The following PDGFD variants were observed in gnomAD, a reference collection of about 807,000 sequenced individuals.
PDGFD encodes the protein platelet derived growth factor D.
PDGFD carries 30 observed loss-of-function variants against 44.7 expected under a neutral mutation model. The ratio of observed to expected loss-of-function variants is 0.67; its 90% CI spans 0.50 to 0.91. PDGFD has a LOEUF of 0.91. Among genes scored for constraint, PDGFD ranks in the 40% least tolerant of loss-of-function variants. PDGFD has a pLI of 0.00. For synonymous variants in PDGFD, 173 were observed against 168.4 expected (o/e 1.03, Z -0.21); for missense variants, 445 against 457.8 (o/e 0.97, Z 0.25).
intron 3 of PDGFD, among the ~76,000 whole-genome samples, chr11:103,963,423 A>C (rs1037447151): frequency 7.2e-5 from 11 of 152,182 alleles, no homozygotes; most frequent in Admixed American, 1.3e-4. Flanking sequence ...TCATTAGATA[A>C]AAGAATGTGT....
chr11:104,139,514 C>T (rs1042923665), intron 1 of PDGFD, among the ~76,000 whole-genome samples: 4 of 152,228 alleles, frequency 2.6e-5, no homozygotes, highest in Middle Eastern at 3.4e-3. Context: ...GACAACAATC[C>T]GATCACAAAC....
intron 3 of PDGFD, among the ~76,000 whole-genome samples, chr11:103,970,405 A>C (rs1859086442): frequency 6.6e-6 from 1 of 152,102 alleles, no homozygotes; most frequent in African/African-American, 2.4e-5. Context: ...GCAAGTGATA[A>C]AAAACTATGA....
chr11:103,990,933 G>C (rs1859441351), intron 3 of PDGFD, among the ~76,000 whole-genome samples: 1 of 151,796 alleles, frequency 6.6e-6, no homozygotes, highest in Non-Finnish European at 1.5e-5. Context: ...AGGTCAGGAG[G>C]TCGAGACCAT....
chr11:104,011,446 T>C (rs867563570), intron 1 of PDGFD, among the ~76,000 whole-genome samples: 1 of 152,112 alleles, frequency 6.6e-6, no homozygotes, highest in Non-Finnish European at 1.5e-5. Context: ...ACGGATTAAA[T>C]CACTTTTCAA....
In PDGFD at chr11:104,079,886, AC is replaced by A. The variant is rs1200748760; in HGVS notation, c.125-79632del. ...ATATGATTTAATGGCATTTATGCATACTATAAACTTACATTTCTGAGCAGAG... is the reference window on the plus strand; with the variant it reads ...ATATGATTTAATGGCATTTATGCATATATAAACTTACATTTCTGAGCAGAG... On this transcript the variant is annotated intron_variant, in intron 1 of 6. Transcript: ENST00000393158. Among the ~76,000 whole-genome samples the A allele has an allele frequency of 6.1e-4, 93 of 152,224 alleles. 1 individual carries two copies. The highest frequency in any genetic ancestry group is 1.5e-4 in the Non-Finnish European group (10 of 68,038).
chr11:104,084,881 GA>G (rs918678724), intron 1 of PDGFD, among the ~76,000 whole-genome samples: 1 of 124,454 alleles, frequency 8.0e-6, no homozygotes, highest in African/African-American at 4.1e-5. Flanking sequence ...AATATATAAT[GA>G]ATATAAAACA....
At chr11:103,942,459 C>CA (rs945066760) in intron 5 of PDGFD, among the ~76,000 whole-genome samples, 1 of 152,012 alleles carries the variant, frequency 6.6e-6, no homozygotes, top group African/African-American at 2.4e-5. Flanking sequence ...TTAGTTTAAG[C>CA]ATTGTTTTAA....
intron 1 of PDGFD, among the ~76,000 whole-genome samples, chr11:104,142,691 T>C (rs1862103018): frequency 6.6e-6 from 1 of 152,196 alleles, no homozygotes; most frequent in Non-Finnish European, 1.5e-5. Context: ...CCGAAGGCCC[T>C]AATAATTTCT....
intron 6 of PDGFD, among the ~76,000 whole-genome samples, chr11:103,921,490 A>T (rs956738317): frequency 2.6e-5 from 4 of 152,148 alleles, no homozygotes; most frequent in Non-Finnish European, 4.4e-5. Flanking sequence ...TTTCATGTAT[A>T]AATACAGATG....
intron 1 of PDGFD, chr11:104,037,608 C>T (rs749546050): frequency 5.0e-6 from 8 of 1,613,850 alleles, no homozygotes; most frequent in African/African-American, 2.7e-5. Flanking sequence ...TTGACTCGGG[C>T]GCCCAGATGA....
chr11:104,077,646 T>G (rs1317234716), intron 1 of PDGFD, among the ~76,000 whole-genome samples: 1 of 152,184 alleles, frequency 6.6e-6, no homozygotes, highest in Non-Finnish European at 1.5e-5. Flanking sequence ...TGCAAAGTTG[T>G]GCAAAATATT....
intron 2 of PDGFD, 122 bp from the exon 3 acceptor site, chr11:103,996,367 T>G: frequency 1.1e-6 from 1 of 911,684 alleles, no homozygotes; most frequent in South Asian, 1.7e-5. Flanking sequence ...AAATGAAAAT[T>G]ATAATGTACA....
At chr11:103,959,175 G>A (rs1435794746) in intron 3 of PDGFD, among the ~76,000 whole-genome samples, 2 of 152,126 alleles carry the variant, frequency 1.3e-5, no homozygotes, top group Non-Finnish European at 2.9e-5. Context: ...ACTTTGCGTT[G>A]TGACACCTTT....
chr11:103,918,848 G>A lies in PDGFD; in HGVS notation c.987+8064C>T, dbSNP rs140519260. On this transcript the variant is annotated intron_variant, in intron 6 of 6. Transcript: ENST00000393158. ...GGAAGAAAGCAAGGCTGATTTGAGGGCATGTAGAAAAATGAAAAGCCTTTA... is the reference window on the plus strand; with the variant it reads ...GGAAGAAAGCAAGGCTGATTTGAGGACATGTAGAAAAATGAAAAGCCTTTA... 2.4e-3 allele frequency among the ~76,000 whole-genome samples: 366 copies of A among 152,236 alleles called. 1 individual carries two copies. The highest frequency in any genetic ancestry group is 8.2e-3 in the African/African-American group (339 of 41,534).
intron 1 of PDGFD, among the ~76,000 whole-genome samples, chr11:104,013,294 T>C (rs551223391): frequency 6.6e-6 from 1 of 152,252 alleles, no homozygotes; most frequent in South Asian, 2.1e-4. Context: ...TGATTCCTCC[T>C]GCATACCAGA....
intron 1 of PDGFD, among the ~76,000 whole-genome samples, chr11:104,110,809 C>T (rs569836020): frequency 1.3e-5 from 2 of 152,198 alleles, no homozygotes; most frequent in African/African-American, 4.8e-5. Context: ...TTTGTCCCTC[C>T]TTCTCAAGGA....
intron 1 of PDGFD, among the ~76,000 whole-genome samples, chr11:104,007,424 G>A (rs1489651804): frequency 2.6e-5 from 4 of 152,126 alleles, no homozygotes; most frequent in Non-Finnish European, 4.4e-5. Context: ...ATGAATAATG[G>A]TAATGTTTTT....
At chr11:103,910,935 G>A (rs1225790543) in intron 6 of PDGFD, among the ~76,000 whole-genome samples, 2 of 152,210 alleles carry the variant, frequency 1.3e-5, no homozygotes, top group Non-Finnish European at 2.9e-5. Flanking sequence ...AGGCGAGGCG[G>A]TTTTACCCTC....
intron 1 of PDGFD, among the ~76,000 whole-genome samples, chr11:104,109,936 T>C (rs1173800465): frequency 6.6e-6 from 1 of 152,142 alleles, no homozygotes; most frequent in African/African-American, 2.4e-5. Context: ...TTTCCTGGCC[T>C]TAACTTTCTC....
Sources: allele counts gnomAD v4.1 joint callset (sites outside exome capture counted in the v4.1 genomes callset), GRCh38; gene constraint gnomAD v4.1.1; transcripts MANE v1.5; gene names NCBI Gene and HGNC (gene_info 2026-07-23, HGNC 2026-07-21).